Variants in RAB36 observed in about 807,000 individuals in gnomAD.
RAB36 encodes the protein ras-related protein Rab-36.
Under a neutral mutation model 39.3 loss-of-function variants are expected in RAB36, and 33 were observed. The ratio of observed to expected loss-of-function variants is 0.84; its 90% CI spans 0.64 to 1.12. The LOEUF (loss-of-function observed/expected upper bound fraction) is 1.12, where lower values mean the gene tolerates loss of function less well. Among genes scored for constraint, RAB36 ranks in the 50% most tolerant of loss-of-function variants. The probability of loss-of-function intolerance (pLI) is 0.00; values close to 1 mark genes in which losing one functional copy is unlikely to be tolerated. For missense variants in RAB36, 308 were observed against 355.3 expected (o/e 0.87, Z 1.07); for synonymous variants, 133 against 140.2 (o/e 0.95, Z 0.36).
intron 5 of RAB36, 25 bp downstream of exon 5, chr22:23,153,159 T>A (rs2071258057): frequency 4.5e-6 from 7 of 1,572,588 alleles, no homozygotes; most frequent in Non-Finnish European, 6.1e-6. Flanking sequence ...CCCCCATGGC[T>A]CGTGGGCAGC....
At chr22:23,156,703 T>C (rs1370959745) in intron 6 of RAB36, among the ~76,000 whole-genome samples, 1 of 152,238 alleles carries the variant, frequency 6.6e-6, no homozygotes, top group African/African-American at 2.4e-5. Context: ...ACATTTTCTT[T>C]TAGACTTAAA....
intron 6 of RAB36, chr22:23,156,425 A>AC (rs2071456550): frequency 5.9e-6 from 1 of 169,834 alleles, no homozygotes; most frequent in African/African-American, 2.4e-5. Flanking sequence ...TGAAAGGGGG[A>AC]CCACGGGAGG....
chr22:23,146,894 G>A (rs1308874565), intron 2 of RAB36, among the ~76,000 whole-genome samples: 1 of 152,214 alleles, frequency 6.6e-6, no homozygotes, highest in South Asian at 2.1e-4. Flanking sequence ...GTGGCCTGGA[G>A]GTTATAAGGG....
intron 10 of RAB36, 102 bp downstream of exon 10, chr22:23,161,100 G>GT (rs2071759913): frequency 2.1e-6 from 3 of 1,402,824 alleles, no homozygotes; most frequent in South Asian, 1.4e-5. Flanking sequence ...TCCTGAACTT[G>GT]TGGCCCTCTC....
chr22:23,157,487 C>T (rs2106109), intron 6 of RAB36, among the ~76,000 whole-genome samples: 35,106 of 151,988 alleles, frequency 0.23, 4,536 homozygotes, highest in East Asian at 0.35. Flanking sequence ...TCTTGATCTC[C>T]TGACTTAGTG....
At chr22:23,167,959 A>T (rs1031378873), downstream of RAB36, among the ~76,000 whole-genome samples, 2 of 151,470 alleles carry the variant, frequency 1.3e-5, no homozygotes, top group African/African-American at 2.4e-5. Flanking sequence ...CAATCCCCCC[A>T]CCCCAGCCTC....
At chr22:23,153,276 C>A in intron 5 of RAB36, 142 bp downstream of exon 5, 1 of 685,214 alleles carries the variant, frequency 1.5e-6, no homozygotes, top group African/African-American at 1.8e-5. Context: ...TGACACTTAG[C>A]TTCCTGGCTC....
chr22:23,168,354 A>G (rs1175170539), downstream of RAB36, among the ~76,000 whole-genome samples: 2 of 152,182 alleles, frequency 1.3e-5, no homozygotes, highest in African/African-American at 2.4e-5. Context: ...AGACACAGCA[A>G]CCAAGGGAGC....
chr22:23,167,660 C>T (rs562371894), downstream of RAB36, among the ~76,000 whole-genome samples: 187 of 152,248 alleles, frequency 1.2e-3, no homozygotes, highest in African/African-American at 4.4e-3. Context: ...GACAGAGGAT[C>T]GGTTAAATTG....
intron 2 of RAB36, among the ~76,000 whole-genome samples, chr22:23,149,078 GA>G (rs2070959224): frequency 6.6e-6 from 1 of 152,172 alleles, no homozygotes; most frequent in South Asian, 2.1e-4. Flanking sequence ...CTGGAACTGA[GA>G]GGGCAGATGG....
chr22:23,154,537 A>G (rs930798527), intron 5 of RAB36, among the ~76,000 whole-genome samples: 1 of 152,222 alleles, frequency 6.6e-6, no homozygotes, highest in Non-Finnish European at 1.5e-5. Flanking sequence ...TGAGAAGAGC[A>G]AAGGGCCAGT....
chr22:23,154,216 G>A (rs543814498), intron 5 of RAB36, among the ~76,000 whole-genome samples: 6 of 152,008 alleles, frequency 3.9e-5, no homozygotes, highest in Non-Finnish European at 7.4e-5. Context: ...AGACCCTTCC[G>A]TGCTCCCCTA....
intron 6 of RAB36, among the ~76,000 whole-genome samples, chr22:23,156,837 T>A (rs1039835733): frequency 6.6e-6 from 1 of 152,134 alleles, no homozygotes; most frequent in Admixed American, 6.5e-5. Flanking sequence ...AGGATGCTTC[T>A]CCCCTGGGAA....
intron 3 of RAB36, among the ~76,000 whole-genome samples, chr22:23,151,463 CAG>C (rs1436784778): frequency 1.3e-5 from 2 of 152,206 alleles, no homozygotes; most frequent in Non-Finnish European, 2.9e-5. Context: ...CCCAGGTCAC[CAG>C]GTGACACAGT....
intron 6 of RAB36, among the ~76,000 whole-genome samples, chr22:23,156,863 G>A (rs370129696): frequency 2.1e-4 from 32 of 152,288 alleles, no homozygotes; most frequent in East Asian, 1.7e-3. Context: ...GGTGCGAGGC[G>A]CCTGGCCCAC....
intron 2 of RAB36, among the ~76,000 whole-genome samples, chr22:23,148,885 A>C (rs2070949526): frequency 6.6e-6 from 1 of 152,246 alleles, no homozygotes. Flanking sequence ...GCTCTTCTGC[A>C]GGAAAGTAGA....
intron 9 of RAB36, among the ~76,000 whole-genome samples, chr22:23,160,047 C>T (rs937241569): frequency 6.6e-6 from 1 of 152,206 alleles, no homozygotes; most frequent in African/African-American, 2.4e-5. Context: ...TACGCAGGGC[C>T]TGGCACATAA....
Position 23,158,889 on chromosome 22 carries a change from A to G in RAB36, c.447-9A>G, listed in dbSNP as rs751713719. 10 of 1,613,120 alleles carry G rather than the reference A, an allele frequency of 6.2e-6. No individual in the cohort carries two copies. Among genetic ancestry groups the G allele is most frequent in the African/African-American group, 1.3e-5 (1 of 74,886 alleles). On this transcript the variant is annotated splice_polypyrimidine_tract_variant and intron_variant, in intron 7 of 10. Coordinates refer to ENST00000263116, the MANE Select transcript of RAB36 (RefSeq NM_004914.5). ...GGTGAATCTCTCAGCCTCTCTCCTT[A>G]CACTCCAGGCAGTGGTTGGAGGATG...
At chr22:23,157,886 T>TG in intron 6 of RAB36, 106 bp from the exon 7 acceptor site, 1 of 1,580,354 alleles carries the variant, frequency 6.3e-7, no homozygotes. Context: ...AGTGCCTGGT[T>TG]GGGGGGCTGC....
Sources: gnomAD v4.1 joint callset for allele counts (sites outside exome capture counted in the v4.1 genomes callset) on GRCh38, gnomAD v4.1.1 for gene constraint, MANE v1.5 for transcripts, NCBI Gene and HGNC (gene_info 2026-07-23, HGNC 2026-07-21) for gene names.